The following ARHGEF1 variants were observed in gnomAD, a reference collection of about 807,000 sequenced individuals.
The protein encoded by ARHGEF1 is 115 kDa guanine nucleotide exchange factor.
ARHGEF1 carries 40 observed loss-of-function variants against 119.7 expected under a neutral mutation model. The observed-to-expected ratio is 0.33, with a 90% CI of 0.26 to 0.44. ARHGEF1 has a LOEUF of 0.44. ARHGEF1 is among the 20% of genes least tolerant of loss of function. ARHGEF1 has a pLI of 1.00. For missense variants in ARHGEF1, 976 were observed against 1,268.3 expected, an observed-to-expected ratio of 0.77 and a Z score of 3.50; for synonymous variants, 494 against 521.0, an observed-to-expected ratio of 0.95 and a Z score of 0.71.
At chr19:41,914,617 TC>T in intron 18 of ARHGEF1, among the ~76,000 whole-genome samples, 1 of 35,288 alleles carries the variant, frequency 2.8e-5, no homozygotes, top group Non-Finnish European at 5.2e-5. Flanking sequence ...TCCCTCCCCT[TC>T]CACCATCTCT....
intron 1 of ARHGEF1, among the ~76,000 whole-genome samples, chr19:41,924,552 A>G (rs1367447205): frequency 1.3e-5 from 2 of 151,936 alleles, no homozygotes; most frequent in East Asian, 3.8e-4. Flanking sequence ...CGCCATCAGT[A>G]TATATGGGGA....
At chr19:41,915,936 C>A (rs1034257799) in intron 18 of ARHGEF1, among the ~76,000 whole-genome samples, 8 of 152,076 alleles carry the variant, frequency 5.3e-5, no homozygotes, top group South Asian at 2.1e-4. Context: ...TCCCCCACCC[C>A]CCTCCCCCCC....
Position 41,904,256 on chromosome 19 carries a change from C to T in ARHGEF1, c.2034C>T (p.Leu678=), listed in dbSNP as rs1251565969. Residue 678 remains leucine (L), a synonymous_variant, in exon 22 of 29, where the codon CTC becomes CTT. Transcript: ENST00000354532. This position sits in a 1 kb window ranked among gnomAD's most constrained non-coding sequence, Gnocchi z 8.4. Reference sequence around the variant, plus strand: ...TGCTGGACGACCTGCTGCTGCTGCTCCAGCGCCAGGACGAGCGGCTGCTGC... The same window carrying T: ...TGCTGGACGACCTGCTGCTGCTGCTTCAGCGCCAGGACGAGCGGCTGCTGC... ...VLLLDDLLLL[L]QRQDERLLLK... 5 of 1,613,126 alleles carry T rather than the reference C, an allele frequency of 3.1e-6. No homozygotes were observed. Among genetic ancestry groups the T allele is most frequent in the South Asian group, 1.1e-5 (1 of 91,068 alleles).
chr19:41,905,250 C>T lies in ARHGEF1; in HGVS notation c.2325C>T (p.Pro775=), dbSNP rs782409329. 6.2e-7 allele frequency: 1 copy of T among 1,613,148 alleles called. No individual in the cohort carries two copies. Among genetic ancestry groups the T allele is most frequent in the African/African-American group, 1.3e-5 (1 of 74,870 alleles). The change falls in exon 24 of 29, where the codon CCC becomes CCT. Residue 775 remains proline, a synonymous_variant. Transcript: ENST00000354532. This position sits in a 1 kb window ranked among gnomAD's most constrained non-coding sequence, Gnocchi z 6.4. ...PAPASRPKPR[P]SPSSTREPLL... is the part of the protein sequence containing the mutation. ...CTGCCTCTCGCCCTAAGCCCCGGCCCAGCCCGAGCAGGTGAGGGGGGCCAT... is the reference window on the plus strand; with the variant it reads ...CTGCCTCTCGCCCTAAGCCCCGGCCTAGCCCGAGCAGGTGAGGGGGGCCAT...
At chr19:41,922,127 A>G (rs781855680), upstream of ARHGEF1, among the ~76,000 whole-genome samples, 4 of 151,994 alleles carry the variant, frequency 2.6e-5, no homozygotes, top group Non-Finnish European at 4.4e-5. Context: ...TGTGGTGTAC[A>G]CCAGAACCAG....
At chr19:41,920,018 T>C (rs1403565908), upstream of ARHGEF1, among the ~76,000 whole-genome samples, 4 of 121,744 alleles carry the variant, frequency 3.3e-5, no homozygotes, top group African/African-American at 1.3e-4. Flanking sequence ...CTCACAGACA[T>C]GACGCGCTCA....
upstream of ARHGEF1, among the ~76,000 whole-genome samples, chr19:41,919,313 A>G (rs2074823602): frequency 6.6e-6 from 1 of 152,312 alleles, no homozygotes; most frequent in Non-Finnish European, 1.5e-5. Flanking sequence ...ACAAGTTCAC[A>G]GAAGTTGCAG....
At position 41,906,477 on chromosome 19, in the gene ARHGEF1, C is replaced by T; in HGVS notation, c.2512C>T (p.Leu838=). ...LRKVLSLKQL[L]FPAEEDNGAG... ...GCCAGTGCTGTCCCTGAAGCAGCTT[C>T]TGTTTCCGGCGGAGGAAGACAATGG... The change falls in exon 27 of 29, where the codon CTG becomes TTG. Residue 838 remains leucine, a synonymous_variant. Transcript: ENST00000354532. This position sits in a 1 kb window ranked among gnomAD's most constrained non-coding sequence, Gnocchi z 4.5. 6.3e-7 allele frequency: 1 copy of T among 1,575,462 alleles called. No individual in the cohort carries two copies. The highest frequency in any genetic ancestry group is 8.6e-7 in the Non-Finnish European group (1 of 1,168,160).
At position 41,906,128 on chromosome 19, in the gene ARHGEF1, G is replaced by T. The variant is rs1269061286; in HGVS notation, c.2491+103G>T. On this transcript the variant is annotated intron_variant, in intron 26 of 28. Transcript: ENST00000354532. The surrounding 1 kb of genome is among the most constrained non-coding windows in gnomAD (Gnocchi z 4.5). ...GTCAAAAATTTCCTTACGCCCAGCT[G>T]CCAGAAAACAAATGCTCCAAACCCA... 1 of 1,186,288 alleles carries T rather than the reference G, an allele frequency of 8.4e-7. No homozygotes were observed. Among genetic ancestry groups the T allele is most frequent in the East Asian group, 2.5e-5 (1 of 40,150 alleles). The allele number at this position is 1,186,288 out of a possible 1,614,324, so 73.5% of individuals were successfully genotyped here. A position where few individuals can be genotyped will look rare whatever the true frequency, so the allele number is the denominator to read the frequency against.
rs1230397198 is a variant in ARHGEF1 at position 41,906,483 on chromosome 19, C to CCGG, written c.2522_2524dup (p.Ala841dup). On this transcript the variant is annotated inframe_insertion, in exon 27 of 29. Transcript: ENST00000354532. The surrounding 1 kb of genome is among the most constrained non-coding windows in gnomAD (Gnocchi z 4.5). ...GCTGTCCCTGAAGCAGCTTCTGTTTCCGGCGGAGGAAGACAATGGGGCGGG... is the reference window on the plus strand; with the variant it reads ...GCTGTCCCTGAAGCAGCTTCTGTTTCCGGCGGCGGAGGAAGACAATGGGGCGGG... 7 of 1,576,676 alleles carry CCGG rather than the reference C, an allele frequency of 4.4e-6. No individual in the cohort carries two copies. The highest frequency in any genetic ancestry group is 4.5e-5 in the East Asian group (2 of 44,036).
At chr19:41,896,326 T>C in intron 12 of ARHGEF1, 51 bp from the exon 13 acceptor site, 1 of 1,018,686 alleles carries the variant, frequency 9.8e-7, no homozygotes, top group Non-Finnish European at 1.3e-6. Context: ...AGAGTGTGGG[T>C]CTCGTGGCCG....
chr19:41,929,396 G>A (rs2074891811), intron 2 of ARHGEF1, among the ~76,000 whole-genome samples: 1 of 152,058 alleles, frequency 6.6e-6, no homozygotes, highest in Non-Finnish European at 1.5e-5. Context: ...CACCTACAGT[G>A]ACAGGAAAGG....
intron 18 of ARHGEF1, among the ~76,000 whole-genome samples, chr19:41,915,828 G>A (rs2074797494): frequency 6.6e-6 from 1 of 152,122 alleles, no homozygotes; most frequent in Non-Finnish European, 1.5e-5. Flanking sequence ...CGGCCTGCGG[G>A]GCCTGGGGCT....
intron 8 of ARHGEF1, 98 bp downstream of exon 8, chr19:41,893,401 GC>G (rs2074411611): frequency 8.1e-6 from 6 of 737,356 alleles, no homozygotes; most frequent in Admixed American, 4.3e-5. Context: ...AGGCTGGGGG[GC>G]CTGGACGCCT....
intron 13 of ARHGEF1, 99 bp downstream of exon 13, chr19:41,896,581 C>A: frequency 1.1e-6 from 1 of 941,986 alleles, no homozygotes; most frequent in Non-Finnish European, 1.7e-6. Context: ...CTGTCCCAGG[C>A]TCTTGCTCCC....
rs2074335756 is a variant in ARHGEF1, at chr19:41,888,944, T to G, written c.225+79T>G. ...CTTTTAGCGAATTAAACCAGCGAGC[T>G]AGTGCCTGGAGGGTCTGGAAAAGCA... On this transcript the variant is annotated intron_variant, in intron 4 of 28. Coordinates refer to ENST00000354532, the MANE Select transcript of ARHGEF1 (RefSeq NM_004706.4). This position sits in a 1 kb window ranked among gnomAD's most constrained non-coding sequence, Gnocchi z 5.1. 4.3e-4 allele frequency: 473 copies of G among 1,105,744 alleles called. No individual in the cohort carries two copies. Among genetic ancestry groups the G allele is most frequent in the Non-Finnish European group, 5.7e-4 (434 of 760,356 alleles). 68.5% of individuals were successfully genotyped at this position (1,105,744 alleles called of 1,614,324 possible). A position where few individuals can be genotyped will look rare whatever the true frequency, so the allele number is the denominator to read the frequency against.
At chr19:41,911,567 G>A (rs566092830), downstream of ARHGEF1, among the ~76,000 whole-genome samples, 7 of 151,654 alleles carry the variant, frequency 4.6e-5, no homozygotes, top group South Asian at 1.2e-3. Context: ...TGTGCCTCCC[G>A]GCCTGAAGGC....
rs782645306 is a variant in ARHGEF1 at position 41,907,365 on chromosome 19, C to T, written c.*278C>T. ...ATCTCAGTATTGCCTGTGGGGGCCA[C>T]CCCTCCACCCCCACCCCCAAGTGCC... On this transcript the variant is annotated 3_prime_UTR_variant, in exon 29 of 29. Coordinates refer to ENST00000354532, the MANE Select transcript of ARHGEF1 (RefSeq NM_004706.4). 1.2e-5 allele frequency: 18 copies of T among 1,534,594 alleles called. No homozygotes were observed. In the South Asian group the frequency reaches 1.5e-4, roughly 13 times the overall value.
chr19:41,895,557 G>T, intron 12 of ARHGEF1, 71 bp downstream of exon 12: 1 of 1,497,040 alleles, frequency 6.7e-7, no homozygotes. Context: ...TGCCCCCTTG[G>T]CACCCCCAGA....
Sources: gnomAD v4.1 joint callset for allele counts (sites outside exome capture counted in the v4.1 genomes callset) on GRCh38, gnomAD v4.1.1 for gene constraint, Gnocchi (gnomAD v3.1) non-coding constraint, MANE v1.5 for transcripts, NCBI Gene and HGNC (gene_info 2026-07-23, HGNC 2026-07-21) for gene names.